Variants in PTPRA observed in about 807,000 individuals in gnomAD.
The protein encoded by PTPRA is receptor-type tyrosine-protein phosphatase alpha.
A neutral mutation model predicts 104.8 loss-of-function variants in PTPRA; 25 were observed. That is an observed-to-expected ratio of 0.24 (90% confidence interval 0.17 to 0.33). The LOEUF is 0.33. Among genes scored for constraint, PTPRA ranks in the 10% least tolerant of loss-of-function variants. The pLI is 1.00. For synonymous variants in PTPRA, 323 were observed against 368.9 expected (o/e 0.88, Z 1.43); for missense variants, 765 against 1,015.3 (o/e 0.75, Z 3.35).
chr20:3,025,002 A>G (rs1264986520), intron 17 of PTPRA, among the ~76,000 whole-genome samples: 1 of 152,242 alleles, frequency 6.6e-6, no homozygotes, highest in African/African-American at 2.4e-5. Flanking sequence ...ACCAATAGGT[A>G]AATATAATGA....
At chr20:2,981,355 G>A (rs1042613643) in intron 6 of PTPRA, among the ~76,000 whole-genome samples, 16 of 152,108 alleles carry the variant, frequency 1.1e-4, no homozygotes, top group African/African-American at 3.1e-4. Flanking sequence ...TTAGAATGGC[G>A]TGAGTATAGA....
chr20:2,866,486 G>C, the PTPRA span: 3 of 1,614,192 alleles, frequency 1.9e-6, no homozygotes, highest in South Asian at 3.3e-5. Flanking sequence ...GCTGAGCTGA[G>C]CCTCGTATTG....
At chr20:2,994,571 G>A (rs1330290810) in intron 9 of PTPRA, among the ~76,000 whole-genome samples, 1 of 152,174 alleles carries the variant, frequency 6.6e-6, no homozygotes, top group Admixed American at 6.5e-5. Context: ...CCAGTGTATA[G>A]CCTCAGCAAG....
At chr20:2,959,989 A>G (rs1365185270) in intron 3 of PTPRA, among the ~76,000 whole-genome samples, 1 of 152,076 alleles carries the variant, frequency 6.6e-6, no homozygotes, top group Non-Finnish European at 1.5e-5. Flanking sequence ...ATTCCTAAAT[A>G]CCACCTGTCC....
intron 2 of PTPRA, among the ~76,000 whole-genome samples, chr20:2,929,741 C>T (rs910205433): frequency 3.3e-5 from 5 of 152,182 alleles, no homozygotes; most frequent in African/African-American, 1.2e-4. Context: ...GGGAGGATTG[C>T]TTGAGCCCAG....
At chr20:2,986,957 TA>T (rs778120290) in intron 7 of PTPRA, 108 bp downstream of exon 7, 2 of 1,002,776 alleles carry the variant, frequency 2.0e-6, no homozygotes, top group Non-Finnish European at 1.6e-6. Context: ...ATGAATAGGA[TA>T]GAGGGGGAAT....
chr20:3,001,135 T>C (rs939889915), intron 9 of PTPRA, among the ~76,000 whole-genome samples: 11 of 152,204 alleles, frequency 7.2e-5, no homozygotes, highest in African/African-American at 2.7e-4. Context: ...TTTTATAGAC[T>C]TCTGCTCTAG....
In PTPRA at chr20:3,027,733, C is replaced by A. The variant is rs144766586; in HGVS notation, c.1812C>A (p.Ile604=). The A allele has an allele frequency of 1.1e-4, 181 of 1,614,064 alleles. 1 individual carries two copies. In the African/African-American group the frequency reaches 2.1e-3, roughly 19 times the overall value. ...GCTACCGGCAGAAGGACTCCTATAT[C>A]GCCAGCCAGGGCCCTCTTCTCCACA... ...IDGYRQKDSY[I]ASQGPLLHTI... The change falls in exon 20 of 24, where the codon ATC becomes ATA. Residue 604 remains isoleucine, a synonymous_variant. Transcript: ENST00000399903.
chr20:2,909,808 A>G (rs1600097113), intron 1 of PTPRA, among the ~76,000 whole-genome samples: 1 of 125,850 alleles, frequency 7.9e-6, no homozygotes, highest in Non-Finnish European at 1.5e-5. Flanking sequence ...TAATATATAT[A>G]ATATAAGATA....
chr20:2,959,336 T>G (rs532285166), intron 3 of PTPRA, among the ~76,000 whole-genome samples: 1 of 152,340 alleles, frequency 6.6e-6, no homozygotes, highest in Admixed American at 6.5e-5. Flanking sequence ...TTCATATGAT[T>G]GATCTCTTCT....
intron 11 of PTPRA, among the ~76,000 whole-genome samples, chr20:3,011,597 G>T (rs985070873): frequency 2.6e-5 from 4 of 152,200 alleles, no homozygotes; most frequent in Non-Finnish European, 4.4e-5. Flanking sequence ...CATGAGCAAA[G>T]TCACAGAGAC....
chr20:2,970,151 C>T (rs2062125560), intron 5 of PTPRA, among the ~76,000 whole-genome samples: 1 of 152,108 alleles, frequency 6.6e-6, no homozygotes, highest in Admixed American at 6.6e-5. Flanking sequence ...ATACCTTAAT[C>T]TCTTTATCCA....
intron 16 of PTPRA, among the ~76,000 whole-genome samples, chr20:3,023,838 GTC>G (rs1220361996): frequency 6.6e-6 from 1 of 152,224 alleles, no homozygotes; most frequent in Non-Finnish European, 1.5e-5. Context: ...TCTTTCCTCA[GTC>G]TCTCGTCCCA....
At chr20:2,865,781 C>T in the PTPRA span, 88,065 of 499,342 alleles carry the variant, frequency 0.18, 12,447 homozygotes, top group African/African-American at 0.52. This position sits in a 1 kb window ranked among gnomAD's most constrained non-coding sequence, Gnocchi z 5.2. Flanking sequence ...AAAGTCTTGT[C>T]TGAGGAGGGT....
intron 2 of PTPRA, among the ~76,000 whole-genome samples, chr20:2,939,420 G>A (rs1034630001): frequency 1.3e-5 from 2 of 152,098 alleles, no homozygotes; most frequent in Non-Finnish European, 2.9e-5. Context: ...ACCTCATTAT[G>A]GCAGAGTTGT....
chr20:2,872,772 C>T (rs1287192310), upstream of PTPRA, among the ~76,000 whole-genome samples: 2 of 152,220 alleles, frequency 1.3e-5, no homozygotes, highest in Non-Finnish European at 2.9e-5. The surrounding 1 kb of genome is among the most constrained non-coding windows in gnomAD (Gnocchi z 7.9). Flanking sequence ...GGGGAGGGCG[C>T]ACTCTGGCTC....
intron 5 of PTPRA, among the ~76,000 whole-genome samples, chr20:2,971,311 CTT>C (rs202178717): frequency 6.7e-6 from 1 of 149,000 alleles, no homozygotes; most frequent in African/African-American, 2.5e-5. Context: ...TTTCTGAAGT[CTT>C]TTTTTTTTAA....
At chr20:3,006,607 C>T (rs2063884993) in intron 10 of PTPRA, among the ~76,000 whole-genome samples, 1 of 152,196 alleles carries the variant, frequency 6.6e-6, no homozygotes, top group Admixed American at 6.5e-5. Context: ...AAAATTAGGA[C>T]CACTACACTA....
intron 3 of PTPRA, among the ~76,000 whole-genome samples, chr20:2,959,535 T>C (rs1198676319): frequency 6.6e-6 from 1 of 152,214 alleles, no homozygotes; most frequent in Admixed American, 6.5e-5. Flanking sequence ...CAATTATTTA[T>C]GACAGTTCAT....
Sources: gnomAD v4.1 joint callset for allele counts (sites outside exome capture counted in the v4.1 genomes callset) on GRCh38, gnomAD v4.1.1 for gene constraint, Gnocchi (gnomAD v3.1) non-coding constraint, MANE v1.5 for transcripts, NCBI Gene and HGNC (gene_info 2026-07-23, HGNC 2026-07-21) for gene names.